Variants in NBAS observed in about 807,000 individuals in gnomAD.
The protein encoded by NBAS is NBAS subunit of NRZ tethering complex.
In NBAS, 219 loss-of-function variants were observed where a neutral mutation model predicts 302.5. That is an observed-to-expected ratio of 0.72 (90% CI 0.65 to 0.81). The LOEUF is 0.81. Among genes scored for constraint, NBAS ranks in the 30% least tolerant of loss-of-function variants. The pLI, the probability that NBAS is intolerant of heterozygous loss-of-function variation, is 0.00. For missense variants in NBAS, 2,932 were observed against 2,841.6 expected, an observed-to-expected ratio of 1.03 and a Z score of -0.72; for synonymous variants, 1,118 against 1,021.6, an observed-to-expected ratio of 1.09 and a Z score of -1.80.
intron 9 of NBAS, among the ~76,000 whole-genome samples, chr2:15,526,407 TC>T (rs1316664377): frequency 6.6e-6 from 1 of 152,206 alleles, no homozygotes; most frequent in Admixed American, 6.5e-5. Flanking sequence ...TTTCATAAAA[TC>T]CTGTTTGTAT....
At chr2:15,090,997 A>G in the NBAS span, among the ~76,000 whole-genome samples, 1 of 152,168 alleles carries the variant, frequency 6.6e-6, no homozygotes, top group South Asian at 2.1e-4. Flanking sequence ...CTATAATTCA[A>G]AACATACCCC....
intron 1 of NBAS, among the ~76,000 whole-genome samples, chr2:15,560,072 T>G (rs1275989909): frequency 6.6e-6 from 1 of 151,694 alleles, no homozygotes; most frequent in Non-Finnish European, 1.5e-5. Context: ...GAAAAATGAG[T>G]CGTTTCTCCA....
chr2:14,782,243 T>C, the NBAS span, among the ~76,000 whole-genome samples: 1 of 152,144 alleles, frequency 6.6e-6, no homozygotes, highest in Non-Finnish European at 1.5e-5. Flanking sequence ...GAAGCATTCA[T>C]TAATTAGAAC....
the NBAS span, among the ~76,000 whole-genome samples, chr2:14,792,108 G>A: frequency 2.0e-5 from 3 of 152,060 alleles, no homozygotes; most frequent in African/African-American, 7.2e-5. Flanking sequence ...GCAGGAACCA[G>A]GTGAGCCTCA....
At chr2:14,952,634 A>G in the NBAS span, among the ~76,000 whole-genome samples, 4 of 152,244 alleles carry the variant, frequency 2.6e-5, no homozygotes, top group Non-Finnish European at 5.9e-5. Flanking sequence ...ATTAGCCTCA[A>G]TGATGCCAGT....
At chr2:15,199,896 A>ATTTT (rs35760010) in intron 48 of NBAS, among the ~76,000 whole-genome samples, 3 of 121,446 alleles carry the variant, frequency 2.5e-5, no homozygotes, top group Non-Finnish European at 3.4e-5. Context: ...AGAAAGCTGG[A>ATTTT]TTTTTTTTTT....
chr2:15,332,655 AAATG>A (rs1377877045), intron 35 of NBAS, among the ~76,000 whole-genome samples: 5 of 152,194 alleles, frequency 3.3e-5, no homozygotes, highest in African/African-American at 1.2e-4. Context: ...CAACATATAA[AAATG>A]AATGACATAT....
intron 40 of NBAS, among the ~76,000 whole-genome samples, chr2:15,302,356 A>G (rs1670841944): frequency 6.6e-6 from 1 of 152,204 alleles, no homozygotes; most frequent in South Asian, 2.1e-4. Context: ...GCTACCAGAG[A>G]GCACCTCTTT....
the NBAS span, among the ~76,000 whole-genome samples, chr2:15,032,256 C>G: frequency 3.9e-5 from 6 of 152,264 alleles, no homozygotes; most frequent in East Asian, 1.9e-4. Context: ...AGGTAATGTA[C>G]TGAGACTGGA....
At chr2:15,100,318 T>G in the NBAS span, among the ~76,000 whole-genome samples, 3 of 152,154 alleles carry the variant, frequency 2.0e-5, no homozygotes, top group African/African-American at 7.2e-5. Context: ...ACTGGAACTT[T>G]AAAAAGATCC....
At chr2:14,995,509 A>G in the NBAS span, among the ~76,000 whole-genome samples, 1 of 151,942 alleles carries the variant, frequency 6.6e-6, no homozygotes, top group Non-Finnish European at 1.5e-5. Context: ...AGGAACACTC[A>G]CCTTTGTGAC....
chr2:15,407,787 G>A (rs1431324660), intron 25 of NBAS, among the ~76,000 whole-genome samples: 1 of 152,114 alleles, frequency 6.6e-6, no homozygotes, highest in Non-Finnish European at 1.5e-5. Context: ...CGAACTTGGT[G>A]ACCTAACACA....
chr2:15,529,836 A>G (rs888609756), intron 9 of NBAS, among the ~76,000 whole-genome samples: 2 of 152,248 alleles, frequency 1.3e-5, no homozygotes, highest in Non-Finnish European at 2.9e-5. Context: ...GTCTTTATAT[A>G]AGAATTTGAC....
chr2:15,175,303 A>G (rs1380733134), intron 51 of NBAS, among the ~76,000 whole-genome samples: 1 of 152,158 alleles, frequency 6.6e-6, no homozygotes, highest in Non-Finnish European at 1.5e-5. Context: ...CTATTTTAAT[A>G]GACAGCACAG....
At chr2:14,856,069 C>CAG in the NBAS span, among the ~76,000 whole-genome samples, 1 of 151,434 alleles carries the variant, frequency 6.6e-6, no homozygotes, top group Admixed American at 6.6e-5. Context: ...TCACTCAGAG[C>CAG]AGAGAGAGAG....
At chr2:15,178,667 G>C (rs1664667651) in intron 51 of NBAS, among the ~76,000 whole-genome samples, 3 of 152,224 alleles carry the variant, frequency 2.0e-5, no homozygotes, top group African/African-American at 7.2e-5. Context: ...CAAGTAGCAA[G>C]AGGACTGCTA....
the NBAS span, among the ~76,000 whole-genome samples, chr2:14,843,958 A>G: frequency 6.6e-6 from 1 of 152,070 alleles, no homozygotes; most frequent in Non-Finnish European, 1.5e-5. Flanking sequence ...TTAACTTGAA[A>G]TACAGTCTAG....
chr2:15,373,204 A>G (rs926698918), intron 31 of NBAS, among the ~76,000 whole-genome samples: 4 of 152,242 alleles, frequency 2.6e-5, no homozygotes, highest in African/African-American at 7.2e-5. Context: ...ACAAATGAAT[A>G]AAATTTTCCA....
At chr2:14,931,490 G>A in the NBAS span, among the ~76,000 whole-genome samples, 2 of 152,164 alleles carry the variant, frequency 1.3e-5, no homozygotes, top group Non-Finnish European at 2.9e-5. Context: ...ACATGTTCAT[G>A]TAATGCAAAT....
Sources: gnomAD v4.1 joint callset for allele counts (sites outside exome capture counted in the v4.1 genomes callset) on GRCh38, gnomAD v4.1.1 for gene constraint, MANE v1.5 for transcripts, NCBI Gene and HGNC (gene_info 2026-07-23, HGNC 2026-07-21) for gene names.